CHCHD6: variants seen among roughly 807,000 people sequenced by gnomAD.
CHCHD6 encodes the protein coiled-coil-helix-coiled-coil-helix domain containing 6, also known as MICOS complex subunit MIC25.
A neutral mutation model predicts 32.3 loss-of-function variants in CHCHD6; 28 were observed. The ratio of observed to expected loss-of-function variants is 0.87; its 90% CI spans 0.64 to 1.19. The LOEUF (loss-of-function observed/expected upper bound fraction) is 1.19. CHCHD6 is among the 50% of genes most tolerant of loss of function. CHCHD6 has a pLI of 0.00. For missense variants in CHCHD6, 333 were observed against 307.0 expected (o/e 1.08, Z -0.63); for synonymous variants, 122 against 117.5 (o/e 1.04, Z -0.25).
intron 4 of CHCHD6, among the ~76,000 whole-genome samples, chr3:126,813,464 C>T (rs1013169259): frequency 1.3e-5 from 2 of 152,212 alleles, no homozygotes; most frequent in African/African-American, 4.8e-5. Context: ...TCTCCATTAT[C>T]TGTAGTGAGA....
At chr3:126,888,330 T>C (rs1324024107) in intron 5 of CHCHD6, among the ~76,000 whole-genome samples, 2 of 152,364 alleles carry the variant, frequency 1.3e-5, no homozygotes, top group African/African-American at 2.4e-5. Context: ...CTTCCTGTTA[T>C]CTGTAGCTGA....
chr3:126,824,856 G>A (rs1469561930), intron 4 of CHCHD6, among the ~76,000 whole-genome samples: 1 of 152,044 alleles, frequency 6.6e-6, no homozygotes, highest in Non-Finnish European at 1.5e-5. Context: ...TGGGATTACA[G>A]GTGTGAGCCA....
chr3:126,810,670 T>C (rs1939617515), intron 4 of CHCHD6, among the ~76,000 whole-genome samples: 1 of 152,182 alleles, frequency 6.6e-6, no homozygotes, highest in African/African-American at 2.4e-5. Context: ...ACTACAATAA[T>C]AGAAGATGTT....
intron 4 of CHCHD6, among the ~76,000 whole-genome samples, chr3:126,811,182 C>G (rs1576445718): frequency 6.6e-6 from 1 of 152,126 alleles, no homozygotes; most frequent in Admixed American, 6.5e-5. Flanking sequence ...TGTTGAACCT[C>G]TAAATCATTT....
intron 4 of CHCHD6, among the ~76,000 whole-genome samples, chr3:126,765,671 A>T (rs571541130): frequency 4.6e-5 from 7 of 152,216 alleles, no homozygotes; most frequent in Non-Finnish European, 8.8e-5. Context: ...CTGGCTGATC[A>T]ATCTCTAATT....
chr3:126,894,454 A>G (rs1334815138), intron 5 of CHCHD6, among the ~76,000 whole-genome samples: 1 of 152,250 alleles, frequency 6.6e-6, no homozygotes, highest in African/African-American at 2.4e-5. Flanking sequence ...GGGGCAGGGA[A>G]TGCAGGATGC....
At position 126,886,519 on chromosome 3, in the gene CHCHD6, T is replaced by C. The variant is rs139902584; in HGVS notation, c.496-28161T>C. On this transcript the variant is annotated intron_variant, in intron 5 of 7. Coordinates refer to ENST00000290913, the MANE Select transcript of CHCHD6 (RefSeq NM_032343.3). ...TGCTTACGTTCACCTAACCCTATTTTACTTTGTAATGGCTTCAGAGCACCA... is the reference window on the plus strand; with the variant it reads ...TGCTTACGTTCACCTAACCCTATTTCACTTTGTAATGGCTTCAGAGCACCA... Among the ~76,000 whole-genome samples, 304 of 152,334 alleles carry C rather than the reference T, an allele frequency of 2.0e-3. 1 individual carries two copies. Among genetic ancestry groups the C allele is most frequent in the African/African-American group, 6.8e-3 (284 of 41,568 alleles).
At chr3:126,716,090 C>T (rs989471428) in intron 1 of CHCHD6, among the ~76,000 whole-genome samples, 7 of 152,302 alleles carry the variant, frequency 4.6e-5, no homozygotes, top group Middle Eastern at 6.8e-3. Context: ...GTCCCTCCTC[C>T]TGCTTTGCCA....
At chr3:126,848,084 A>C (rs772627327) in intron 4 of CHCHD6, among the ~76,000 whole-genome samples, 1 of 152,188 alleles carries the variant, frequency 6.6e-6, no homozygotes, top group Non-Finnish European at 1.5e-5. Flanking sequence ...GGACCAAAAA[A>C]TCCTCCTGCC....
chr3:126,834,053 C>CAGA (rs1940752901), intron 4 of CHCHD6, among the ~76,000 whole-genome samples: 1 of 44,460 alleles, frequency 2.2e-5, no homozygotes, highest in Non-Finnish European at 4.8e-5. Context: ...GACTCCGTCT[C>CAGA]AAAAAAAAAA....
intron 5 of CHCHD6, among the ~76,000 whole-genome samples, chr3:126,909,457 G>C (rs966864767): frequency 6.6e-6 from 1 of 152,142 alleles, no homozygotes; most frequent in Non-Finnish European, 1.5e-5. Context: ...CCTTGCTTTT[G>C]ATCTCACAGA....
chr3:126,842,221 A>T (rs1941117852), intron 4 of CHCHD6, among the ~76,000 whole-genome samples: 1 of 152,194 alleles, frequency 6.6e-6, no homozygotes, highest in Non-Finnish European at 1.5e-5. Context: ...TGGAGTACAG[A>T]GTGAGACTCT....
At chr3:126,934,131 G>A (rs1301937954) in intron 6 of CHCHD6, among the ~76,000 whole-genome samples, 1 of 152,204 alleles carries the variant, frequency 6.6e-6, no homozygotes, top group Non-Finnish European at 1.5e-5. Flanking sequence ...CCTGGTCTAT[G>A]TGTAGACATA....
intron 6 of CHCHD6, among the ~76,000 whole-genome samples, chr3:126,915,748 T>C (rs1048017327): frequency 6.6e-6 from 1 of 152,218 alleles, no homozygotes; most frequent in African/African-American, 2.4e-5. Context: ...ACAGTCAGCA[T>C]AGACCCAAAG....
At chr3:126,890,673 T>C (rs1410454994) in intron 5 of CHCHD6, among the ~76,000 whole-genome samples, 2 of 152,246 alleles carry the variant, frequency 1.3e-5, no homozygotes, top group Non-Finnish European at 2.9e-5. Flanking sequence ...AAAGCCACTG[T>C]GCTAGGTGTT....
intron 4 of CHCHD6, among the ~76,000 whole-genome samples, chr3:126,838,884 C>CT (rs1375774175): frequency 1.3e-5 from 2 of 150,030 alleles, no homozygotes; most frequent in Non-Finnish European, 3.0e-5. Flanking sequence ...TTTATTCCTT[C>CT]TTTTTTCCTT....
chr3:126,741,504 G>C (rs1334693273), intron 4 of CHCHD6, among the ~76,000 whole-genome samples: 1 of 152,148 alleles, frequency 6.6e-6, no homozygotes, highest in Non-Finnish European at 1.5e-5. Context: ...TGTGGGTGTG[G>C]AATGAGGCTG....
At position 126,815,643 on chromosome 3, in the gene CHCHD6, G is replaced by GGC. The variant is rs1491515525; in HGVS notation, c.412-37004_412-37003insGC. Among the ~76,000 whole-genome samples, 163 of 127,700 alleles carry GGC rather than the reference G, an allele frequency of 1.3e-3. 1 individual carries two copies. The highest frequency in any genetic ancestry group is 4.5e-3 in the African/African-American group (151 of 33,764). 83.8% of individuals were successfully genotyped at this position (127,700 alleles called of 152,430 possible). A position where few individuals can be genotyped will look rare whatever the true frequency, so the allele number is the denominator to read the frequency against. ...CTTGCTGTTGCTCCTGTGGGTTCTT[G>GGC]CCCCCCCCCCCCCATCTGTGTCCAC... On this transcript the variant is annotated intron_variant, in intron 4 of 7. Transcript: ENST00000290913.
At chr3:126,768,419 G>T (rs919344923) in intron 4 of CHCHD6, among the ~76,000 whole-genome samples, 24 of 152,052 alleles carry the variant, frequency 1.6e-4, no homozygotes, top group African/African-American at 4.8e-4. Context: ...TTCTTCTTGT[G>T]TACCTTTTCA....
Sources: allele counts gnomAD v4.1 joint callset (sites outside exome capture counted in the v4.1 genomes callset), GRCh38; gene constraint gnomAD v4.1.1; transcripts MANE v1.5; gene names NCBI Gene and HGNC (gene_info 2026-07-23, HGNC 2026-07-21).